DLGAP1: variants seen among roughly 807,000 people sequenced by gnomAD.
DLGAP1 encodes the protein DLG associated protein 1.
DLGAP1 carries 11 observed loss-of-function variants against 90.8 expected under a neutral mutation model. That is an observed-to-expected ratio of 0.12 (90% CI 0.08 to 0.20). The LOEUF (loss-of-function observed/expected upper bound fraction) is 0.20, where lower values mean the gene tolerates loss of function less well. Ranked by LOEUF, DLGAP1 falls within the 10% of genes least tolerant of loss-of-function variation. The probability of loss-of-function intolerance (pLI) is 1.00; values close to 1 mark genes in which losing one functional copy is unlikely to be tolerated. For missense variants in DLGAP1, 1,050 were observed against 1,333.8 expected (o/e 0.79, Z 3.31); for synonymous variants, 558 against 540.7 (o/e 1.03, Z -0.44).
Position 4,269,354 on chromosome 18 carries a change from A to ATTTTTT in DLGAP1, c.-266-118073_-266-118068dup, listed in dbSNP as rs202021108. 6.1e-3 allele frequency among the ~76,000 whole-genome samples: 804 copies of ATTTTTT among 132,086 alleles called. 6 individuals are homozygous for ATTTTTT. Among genetic ancestry groups the ATTTTTT allele is most frequent in the Admixed American group, 0.019 (246 of 12,656 alleles). 86.7% of individuals were successfully genotyped at this position (132,086 alleles called of 152,430 possible). On this transcript the variant is annotated intron_variant, in intron 1 of 12. Coordinates refer to ENST00000315677, the MANE Select transcript of DLGAP1 (RefSeq NM_004746.4). ...TATACATATATATATATATATATATATTTTTTTTTTTCTTTTTGAGACGGA... is the reference window on the plus strand; with the variant it reads ...TATACATATATATATATATATATATATTTTTTTTTTTTTTTTTCTTTTTGAGACGGA...
chr18:4,040,803 T>C (rs907757452), intron 2 of DLGAP1, among the ~76,000 whole-genome samples: 6 of 152,208 alleles, frequency 3.9e-5, no homozygotes, highest in African/African-American at 1.4e-4. Flanking sequence ...GGTTTCAGCA[T>C]TGTGTTCTTT....
At chr18:4,301,484 A>C (rs2080124468) in intron 1 of DLGAP1, among the ~76,000 whole-genome samples, 1 of 152,204 alleles carries the variant, frequency 6.6e-6, no homozygotes, top group Admixed American at 6.5e-5. Flanking sequence ...TTAAAAGTGC[A>C]TAGTACTCCA....
At chr18:3,519,575 A>G (rs1357205848) in intron 10 of DLGAP1, among the ~76,000 whole-genome samples, 1 of 152,210 alleles carries the variant, frequency 6.6e-6, no homozygotes, top group Non-Finnish European at 1.5e-5. Flanking sequence ...TCCAAAATAT[A>G]TGTTGAAACT....
At chr18:4,243,289 A>AAAGTGCCTCTGCGGAGTACAGT in intron 1 of DLGAP1, among the ~76,000 whole-genome samples, 1 of 152,230 alleles carries the variant, frequency 6.6e-6, no homozygotes, top group Admixed American at 6.5e-5. Context: ...GAATATAACA[A>AAAGTGCCTCTGCGGAGTACAGT]GTACTCCTTA....
In DLGAP1 at chr18:4,394,141, A is replaced by G. The variant is rs141765873; in HGVS notation, c.-267+60865T>C. On this transcript the variant is annotated intron_variant, in intron 1 of 12. Transcript: ENST00000315677. ...ATATGGCTAAACATAATAAGGTGAC[A>G]AGAAAGTTTCTGCATATGTGAAGAC... is the stretch of plus-strand genomic sequence containing the variant. 2.1e-3 allele frequency among the ~76,000 whole-genome samples: 316 copies of G among 151,930 alleles called. 2 individuals are homozygous for G. Among genetic ancestry groups the G allele is most frequent in the African/African-American group, 7.0e-3 (288 of 41,232 alleles).
chr18:4,392,269 A>G (rs148641345), intron 1 of DLGAP1, among the ~76,000 whole-genome samples: 204 of 152,254 alleles, frequency 1.3e-3, no homozygotes, highest in African/African-American at 4.4e-3. Context: ...ATGGTATGTT[A>G]GTGGAGGAGC....
chr18:3,984,740 C>T (rs946845758), intron 3 of DLGAP1, among the ~76,000 whole-genome samples: 2 of 152,116 alleles, frequency 1.3e-5, no homozygotes, highest in African/African-American at 4.8e-5. Context: ...ATTGAATCCC[C>T]TGCCCCTAGT....
chr18:3,619,918 G>C (rs2058035753), intron 7 of DLGAP1, among the ~76,000 whole-genome samples: 1 of 151,772 alleles, frequency 6.6e-6, no homozygotes, highest in Admixed American at 6.6e-5. Flanking sequence ...CTAGGCTCAA[G>C]GGATCCTCCC....
intron 7 of DLGAP1, chr18:3,656,055 T>C (rs1488968305): frequency 2.0e-6 from 3 of 1,536,408 alleles, no homozygotes; most frequent in African/African-American, 1.4e-5. Context: ...AAGCAAAACA[T>C]TATTGATTTT....
At chr18:4,240,782 A>G (rs942942915) in intron 1 of DLGAP1, among the ~76,000 whole-genome samples, 5 of 152,222 alleles carry the variant, frequency 3.3e-5, no homozygotes, top group African/African-American at 1.2e-4. Flanking sequence ...ACAAATTGGC[A>G]AAAGTTTCAA....
chr18:4,366,353 GA>G (rs1175617962), intron 1 of DLGAP1, among the ~76,000 whole-genome samples: 1 of 151,954 alleles, frequency 6.6e-6, no homozygotes, highest in Non-Finnish European at 1.5e-5. Context: ...AGGGTTCTGA[GA>G]AAAAATAATT....
chr18:3,847,775 A>C (rs1363284014), intron 4 of DLGAP1, among the ~76,000 whole-genome samples: 1 of 152,188 alleles, frequency 6.6e-6, no homozygotes, highest in African/African-American at 2.4e-5. Context: ...CAATCAAGAA[A>C]GAACACAGGT....
intron 1 of DLGAP1, among the ~76,000 whole-genome samples, chr18:4,197,188 T>TAAAAAA (rs532844849): frequency 6.8e-5 from 5 of 73,746 alleles, no homozygotes; most frequent in African/African-American, 1.0e-4. Flanking sequence ...TAAAAAAAAG[T>TAAAAAA]AAAAAAAAAA....
At chr18:3,568,878 G>C (rs1340945253) in intron 8 of DLGAP1, among the ~76,000 whole-genome samples, 3 of 151,482 alleles carry the variant, frequency 2.0e-5, no homozygotes, top group East Asian at 1.9e-4. Flanking sequence ...AGTAGAGACG[G>C]GGTTTCACTG....
intron 4 of DLGAP1, among the ~76,000 whole-genome samples, chr18:3,849,265 A>C (rs766902159): frequency 6.6e-6 from 1 of 152,120 alleles, no homozygotes; most frequent in Admixed American, 6.6e-5. Flanking sequence ...TTTACTTATG[A>C]GCAGAAGGCT....
At chr18:3,897,917 C>T (rs557261965) in intron 3 of DLGAP1, among the ~76,000 whole-genome samples, 194 of 151,602 alleles carry the variant, frequency 1.3e-3, no homozygotes, top group African/African-American at 4.4e-3. Context: ...GCCTCAGCCT[C>T]CCGAGTAGCT....
Position 3,659,445 on chromosome 18 carries a change from A to C in DLGAP1, c.1591+69690T>G, listed in dbSNP as rs1238843752. Among the ~76,000 whole-genome samples, 224 of 105,134 alleles carry C rather than the reference A, an allele frequency of 2.1e-3. 2 individuals carry two copies. The highest frequency in any genetic ancestry group is 9.5e-3 in the Middle Eastern group (2 of 210). 69.0% of individuals were successfully genotyped at this position (105,134 alleles called of 152,430 possible). A position where few individuals can be genotyped will look rare whatever the true frequency, so the allele number is the denominator to read the frequency against. On this transcript the variant is annotated intron_variant, in intron 7 of 12. Transcript: ENST00000315677. ...CACACACACACACACGGATGCTACC[A>C]CCCCCCGCCGCCCCCACCCCCGGTT...
intron 3 of DLGAP1, among the ~76,000 whole-genome samples, chr18:3,947,561 C>T (rs183030938): frequency 7.2e-5 from 11 of 152,330 alleles, no homozygotes; most frequent in African/African-American, 2.4e-4. Context: ...CTAAGATACA[C>T]ATACGTATGT....
chr18:3,609,342 C>A (rs749584036), intron 7 of DLGAP1, among the ~76,000 whole-genome samples: 1 of 152,220 alleles, frequency 6.6e-6, no homozygotes, highest in Admixed American at 6.6e-5. Context: ...CCACCTCACC[C>A]GGGCCTGAGT....
Sources: gnomAD v4.1 joint callset for allele counts (sites outside exome capture counted in the v4.1 genomes callset) on GRCh38, gnomAD v4.1.1 for gene constraint, MANE v1.5 for transcripts, NCBI Gene and HGNC (gene_info 2026-07-23, HGNC 2026-07-21) for gene names.